WFDC5: variants seen among roughly 807,000 people sequenced by gnomAD.
The protein encoded by WFDC5 is WAP four-disulfide core domain protein 5.
In WFDC5, 15 loss-of-function variants were observed where a neutral mutation model predicts 15.7. The observed-to-expected ratio is 0.96, with a 90% CI of 0.64 to 1.47. The LOEUF (loss-of-function observed/expected upper bound fraction) is 1.47. Ranked by LOEUF, WFDC5 falls within the 40% of genes most tolerant of loss-of-function variation. The pLI, the probability that WFDC5 is intolerant of heterozygous loss-of-function variation, is 0.00. For missense variants in WFDC5, 280 were observed against 258.0 expected (o/e 1.09, Z -0.59); for synonymous variants, 109 against 107.7 (o/e 1.01, Z -0.07).
intron 3 of WFDC5, 134 bp downstream of exon 3, chr20:45,110,266 C>A: frequency 6.9e-7 from 1 of 1,445,692 alleles, no homozygotes; most frequent in Non-Finnish European, 9.3e-7. Context: ...CAACCCCTAT[C>A]CAGTTTCCTA....
upstream of WFDC5, among the ~76,000 whole-genome samples, chr20:45,115,729 G>T (rs1374441749): frequency 2.0e-5 from 3 of 152,190 alleles, no homozygotes; most frequent in East Asian, 3.8e-4. Flanking sequence ...TGTTGAGGGT[G>T]GGGGAGCATG....
At chr20:45,113,783 G>A (rs995421956) in intron 1 of WFDC5, among the ~76,000 whole-genome samples, 2 of 151,834 alleles carry the variant, frequency 1.3e-5, no homozygotes, top group African/African-American at 2.4e-5. Flanking sequence ...GGTTTTTGCT[G>A]TAATAGTTGG....
chr20:45,109,623 C>A (rs1981551210), exon 4 of WFDC5: 2 of 633,684 alleles, frequency 3.2e-6, no homozygotes, highest in Non-Finnish European at 5.8e-6. Flanking sequence ...GAAAACTCTG[C>A]AAGAATATTC....
At chr20:45,110,524 G>C in exon 3 of WFDC5, 1 of 1,614,212 alleles carries the variant, frequency 6.2e-7, no homozygotes, top group Non-Finnish European at 8.5e-7. Flanking sequence ...GGTCCTCTGG[G>C]CAGCTGCCCA....
At chr20:45,110,068 T>A in intron 3 of WFDC5, 55 bp from the exon 4 acceptor site, 1 of 1,584,508 alleles carries the variant, frequency 6.3e-7, no homozygotes, top group Non-Finnish European at 8.6e-7. Context: ...CTCTGGTTTC[T>A]GGCCTTGGTC....
chr20:45,110,087 A>G, intron 3 of WFDC5, 74 bp from the exon 4 acceptor site: 1 of 1,563,236 alleles, frequency 6.4e-7, no homozygotes, highest in Non-Finnish European at 8.7e-7. Context: ...TCTCCCATCC[A>G]TGCCCCACCA....
upstream of WFDC5, among the ~76,000 whole-genome samples, chr20:45,115,863 C>T (rs910035046): frequency 2.6e-5 from 4 of 152,164 alleles, no homozygotes; most frequent in South Asian, 6.2e-4. Context: ...CCTTAGATTT[C>T]GTATCTCTGA....
At chr20:45,111,415 G>A (rs910262024) in intron 1 of WFDC5, among the ~76,000 whole-genome samples, 3 of 152,088 alleles carry the variant, frequency 2.0e-5, no homozygotes, top group Non-Finnish European at 4.4e-5. Context: ...CTCACCGTTG[G>A]TCCATATCAC....
chr20:45,111,195 C>T (rs997870730), intron 1 of WFDC5, among the ~76,000 whole-genome samples: 8 of 152,298 alleles, frequency 5.3e-5, no homozygotes, highest in African/African-American at 1.9e-4. Flanking sequence ...GTACTCCATG[C>T]GCCTGGTCAG....
chr20:45,113,935 G>A (rs1981687476), intron 1 of WFDC5, among the ~76,000 whole-genome samples: 1 of 152,232 alleles, frequency 6.6e-6, no homozygotes, highest in Non-Finnish European at 1.5e-5. Context: ...TGCTGTAATA[G>A]TTGGTAAGGT....
exon 1 of WFDC5, chr20:45,115,110 G>C (rs754240114): frequency 2.0e-5 from 32 of 1,606,282 alleles, no homozygotes; most frequent in Non-Finnish European, 2.6e-5. Context: ...CAGGGCCCAG[G>C]GCCCCCCAGA....
At chr20:45,115,165 G>A (rs565551699), upstream of WFDC5, 5,391 of 1,334,880 alleles carry the variant, frequency 4.0e-3, 11 homozygotes, top group Non-Finnish European at 5.1e-3. Context: ...TTAGTCAGGA[G>A]AGGAAAGAGA....
intron 3 of WFDC5, 137 bp from the exon 4 acceptor site, chr20:45,110,150 C>G: frequency 1.5e-6 from 2 of 1,340,036 alleles, no homozygotes; most frequent in Non-Finnish European, 2.0e-6. Flanking sequence ...TTCAAAAGGG[C>G]AAACAGAAGC....
chr20:45,114,420 T>C (rs902398062), intron 1 of WFDC5, among the ~76,000 whole-genome samples: 1 of 151,618 alleles, frequency 6.6e-6, no homozygotes, highest in Non-Finnish European at 1.5e-5. Flanking sequence ...AGACAGAGCT[T>C]CCTCCCCACA....
chr20:45,114,316 C>CCACT (rs1260660656), intron 1 of WFDC5, among the ~76,000 whole-genome samples: 11 of 152,150 alleles, frequency 7.2e-5, no homozygotes, highest in Admixed American at 7.2e-4. Flanking sequence ...ACCTGTCTAG[C>CCACT]CACTCAGCAG....
chr20:45,114,881 A>G (rs952800653), intron 1 of WFDC5, 118 bp downstream of exon 1: 21 of 1,018,144 alleles, frequency 2.1e-5, no homozygotes, highest in Admixed American at 1.4e-4. Flanking sequence ...GCACGCACGC[A>G]CACACACACG....
chr20:45,114,922 C>T, intron 1 of WFDC5, 77 bp downstream of exon 1: 1 of 1,523,950 alleles, frequency 6.6e-7, no homozygotes, highest in Non-Finnish European at 9.0e-7. Flanking sequence ...CATTACCTGC[C>T]TTCCCCCAAA....
exon 4 of WFDC5, chr20:45,109,942 C>A (rs1192970268): frequency 6.2e-7 from 1 of 1,610,888 alleles, no homozygotes; most frequent in Non-Finnish European, 8.5e-7. Context: ...GGGCCCCAGG[C>A]CTCCCATCGT....
Position 45,115,049 on chromosome 20 carries a change from AG to A in WFDC5, c.34del (p.Leu12SerfsTer46). 1 of 1,613,578 alleles carries A rather than the reference AG, an allele frequency of 6.2e-7. No homozygotes were observed. Among genetic ancestry groups the A allele is most frequent in the South Asian group, 1.1e-5 (1 of 91,058 alleles). On this transcript the variant is annotated frameshift_variant, in exon 1 of 4. Transcript: ENST00000307971. LOFTEE classifies it high-confidence loss of function. Reference sequence around the variant, plus strand: ...AGGCAGCTGACTCCCCACAGCCAGGAGGGCCCCCAGGAGGAGAAGGCTCTGG... The same window carrying A: ...AGGCAGCTGACTCCCCACAGCCAGGAGGCCCCCAGGAGGAGAAGGCTCTGG...
Sources: gnomAD v4.1 joint callset for allele counts (sites outside exome capture counted in the v4.1 genomes callset) on GRCh38, gnomAD v4.1.1 for gene constraint, MANE v1.5 for transcripts, NCBI Gene and HGNC (gene_info 2026-07-23, HGNC 2026-07-21) for gene names.